NTM: variants seen among roughly 807,000 people sequenced by gnomAD.
NTM encodes the protein IgLON family member 2.
In NTM, 13 loss-of-function variants were observed where a neutral mutation model predicts 42.1. The ratio of observed to expected loss-of-function variants is 0.31; its 90% confidence interval spans 0.20 to 0.49. The LOEUF (loss-of-function observed/expected upper bound fraction) is 0.49, where lower values mean the gene tolerates loss of function less well. NTM is among the 20% of genes least tolerant of loss of function. The probability of loss-of-function intolerance (pLI) is 0.99; values close to 1 mark genes in which losing one functional copy is unlikely to be tolerated. For synonymous variants in NTM, 187 were observed against 179.2 expected, an observed-to-expected ratio of 1.04 and a Z score of -0.35; for missense variants, 373 against 452.8, an observed-to-expected ratio of 0.82 and a Z score of 1.60.
At chr11:131,896,225 A>T (rs1295839829) in intron 1 of NTM, among the ~76,000 whole-genome samples, 1 of 152,226 alleles carries the variant, frequency 6.6e-6, no homozygotes, top group Non-Finnish European at 1.5e-5. Flanking sequence ...TACCCTCATT[A>T]CTGTGCAGAA....
At chr11:132,135,418 G>A (rs1321395221) in intron 2 of NTM, among the ~76,000 whole-genome samples, 1 of 152,222 alleles carries the variant, frequency 6.6e-6, no homozygotes, top group Non-Finnish European at 1.5e-5. Context: ...CTTTGTTCCA[G>A]TTCTCTAGAG....
Position 132,035,130 on chromosome 11 carries a change from G to A in NTM, c.168-111152G>A, listed in dbSNP as rs1039618073. Among the ~76,000 whole-genome samples the A allele has an allele frequency of 3.9e-5, 6 of 152,158 alleles. 1 individual carries two copies. The highest frequency in any genetic ancestry group is 4.1e-4 in the South Asian group (2 of 4,834). ...TTAAAATGTTCCTTTCTAAAAAACCGTACATGAACTTGATATTCAGGCTCT... is the reference window on the plus strand; with the variant it reads ...TTAAAATGTTCCTTTCTAAAAAACCATACATGAACTTGATATTCAGGCTCT... On this transcript the variant is annotated intron_variant, in intron 2 of 8. Coordinates refer to ENST00000683400, the MANE Select transcript of NTM (RefSeq NM_001352005.2).
chr11:132,232,934 G>A (rs962208627), intron 4 of NTM, among the ~76,000 whole-genome samples: 11 of 152,096 alleles, frequency 7.2e-5, no homozygotes, highest in Middle Eastern at 3.2e-3. Context: ...TCTCATTATC[G>A]TTTGCTAACT....
intron 1 of NTM, among the ~76,000 whole-genome samples, chr11:131,715,806 T>A (rs897640282): frequency 1.3e-5 from 2 of 152,256 alleles, no homozygotes; most frequent in African/African-American, 4.8e-5. Flanking sequence ...ATTTAGAGAT[T>A]GATCCATGTT....
At chr11:131,808,038 G>C (rs893195508) in intron 1 of NTM, among the ~76,000 whole-genome samples, 1 of 152,194 alleles carries the variant, frequency 6.6e-6, no homozygotes, top group Non-Finnish European at 1.5e-5. Flanking sequence ...GTGAGCTAAG[G>C]TTCAGCGGTA....
At chr11:132,209,258 A>C (rs1296493448) in intron 3 of NTM, among the ~76,000 whole-genome samples, 1 of 152,252 alleles carries the variant, frequency 6.6e-6, no homozygotes, top group Admixed American at 6.5e-5. Flanking sequence ...AGCTTTTAAA[A>C]TGATATAACC....
intron 1 of NTM, among the ~76,000 whole-genome samples, chr11:131,824,731 G>T (rs906060602): frequency 6.6e-6 from 1 of 152,152 alleles, no homozygotes; most frequent in Non-Finnish European, 1.5e-5. Flanking sequence ...TCTTACTTAG[G>T]CTGTGGTCTT....
intron 7 of NTM, among the ~76,000 whole-genome samples, chr11:132,321,036 C>T (rs2095556257): frequency 6.6e-6 from 1 of 151,358 alleles, no homozygotes; most frequent in South Asian, 2.1e-4. Flanking sequence ...ACATCACCAT[C>T]ATCAAAGACC....
chr11:131,958,990 A>G (rs1260643722), intron 2 of NTM, among the ~76,000 whole-genome samples: 1 of 152,166 alleles, frequency 6.6e-6, no homozygotes, highest in East Asian at 1.9e-4. Flanking sequence ...GTGCTGGCGG[A>G]AGAAACGAGA....
chr11:132,290,194 T>C (rs1418453847), intron 4 of NTM, among the ~76,000 whole-genome samples: 1 of 152,190 alleles, frequency 6.6e-6, no homozygotes, highest in Non-Finnish European at 1.5e-5. Context: ...CCATAATAAC[T>C]TGGACTGCAA....
chr11:132,008,050 T>C (rs1178574229), intron 2 of NTM, among the ~76,000 whole-genome samples: 1 of 152,042 alleles, frequency 6.6e-6, no homozygotes, highest in African/African-American at 2.4e-5. Context: ...AACAAGGAAT[T>C]TGGGGAAATA....
At chr11:131,665,948 A>T (rs1433681584) in intron 1 of NTM, among the ~76,000 whole-genome samples, 1 of 152,248 alleles carries the variant, frequency 6.6e-6, no homozygotes, top group Non-Finnish European at 1.5e-5. Flanking sequence ...TAAATATTTT[A>T]AGACACGCAT....
chr11:132,285,561 G>A (rs1192432004), intron 4 of NTM, among the ~76,000 whole-genome samples: 4 of 152,040 alleles, frequency 2.6e-5, no homozygotes, highest in African/African-American at 4.8e-5. Context: ...TTGGGGCATC[G>A]GTGCACCTGG....
intron 7 of NTM, among the ~76,000 whole-genome samples, chr11:132,326,463 T>C (rs541885552): frequency 1.3e-5 from 2 of 152,172 alleles, no homozygotes; most frequent in Non-Finnish European, 2.9e-5. Flanking sequence ...ACAGGTTACT[T>C]TACCTGGTCA....
At chr11:131,785,429 G>A (rs571746430) in intron 1 of NTM, among the ~76,000 whole-genome samples, 1 of 152,302 alleles carries the variant, frequency 6.6e-6, no homozygotes, top group South Asian at 2.1e-4. Context: ...CTAAATGTCC[G>A]AGAAAGCTAA....
At chr11:131,949,155 G>T (rs2060702475) in intron 2 of NTM, among the ~76,000 whole-genome samples, 1 of 152,212 alleles carries the variant, frequency 6.6e-6, no homozygotes, top group Non-Finnish European at 1.5e-5. Context: ...ACATATGGCA[G>T]ATTTCTTTCT....
intron 1 of NTM, among the ~76,000 whole-genome samples, chr11:131,642,144 G>A (rs114845528): frequency 0.013 from 1,956 of 152,238 alleles, 46 homozygotes; most frequent in African/African-American, 0.045. Context: ...CCTGACACAC[G>A]GCAGCCACTT....
chr11:131,417,250 T>C (rs532124001), intron 1 of NTM, among the ~76,000 whole-genome samples: 1 of 152,308 alleles, frequency 6.6e-6, no homozygotes, highest in Non-Finnish European at 1.5e-5. Context: ...CCCCCTTATC[T>C]TCTACAGCGA....
intron 1 of NTM, among the ~76,000 whole-genome samples, chr11:131,857,788 C>G (rs891635678): frequency 6.6e-6 from 1 of 152,168 alleles, no homozygotes; most frequent in East Asian, 1.9e-4. Context: ...TAACTTGTCT[C>G]CTTATCTCCT....
Sources: allele counts gnomAD v4.1 joint callset (sites outside exome capture counted in the v4.1 genomes callset), GRCh38; gene constraint gnomAD v4.1.1; transcripts MANE v1.5; gene names NCBI Gene and HGNC (gene_info 2026-07-23, HGNC 2026-07-21).